Variants in UBE2N observed in about 807,000 individuals in gnomAD.
UBE2N encodes the protein ubiquitin conjugating enzyme E2 N, also known as ubiquitin-conjugating enzyme E2 N.
For synonymous variants in UBE2N, 70 were observed against 69.2 expected (o/e 1.01, Z -0.06); for missense variants, 60 against 192.1 (o/e 0.31, Z 4.07).
In UBE2N at chr12:93,408,660, AAG is replaced by A. The variant is rs1272565377; in HGVS notation, c.*1377_*1378del. On this transcript the variant is annotated 3_prime_UTR_variant, in exon 4 of 4. Transcript: ENST00000318066. ...TTGTGAGGGGAGGAATTCGTCAATA[AAG>A]AAGAAAAATTACTGAATTCCAAATT... The A allele has an allele frequency of 1.3e-5, 2 of 152,230 alleles. No individual in the cohort carries two copies. The highest frequency in any genetic ancestry group is 2.9e-5 in the Non-Finnish European group (2 of 68,042). 9.4% of individuals were successfully genotyped at this position (152,230 alleles called of 1,614,324 possible). A position where few individuals can be genotyped will look rare whatever the true frequency, so the allele number is the denominator to read the frequency against.
At chr12:93,414,448 C>CAAAA (rs398020640) in intron 1 of UBE2N, among the ~76,000 whole-genome samples, 7 of 73,986 alleles carry the variant, frequency 9.5e-5, no homozygotes, top group African/African-American at 2.1e-4. Flanking sequence ...AGCTCCGTCT[C>CAAAA]AAAAAAAAAA....
chr12:93,414,504 G>GCT (rs1565792288), intron 1 of UBE2N, among the ~76,000 whole-genome samples: 1 of 147,750 alleles, frequency 6.8e-6, no homozygotes, highest in African/African-American at 2.5e-5. Context: ...CCCAAAAGAC[G>GCT]CTCTATATGA....
chr12:93,420,841 C>T (rs1878386084), intron 1 of UBE2N, among the ~76,000 whole-genome samples: 2 of 151,928 alleles, frequency 1.3e-5, no homozygotes, highest in African/African-American at 4.8e-5. Flanking sequence ...ATCTTGCCTC[C>T]CCAATTCTTC....
At chr12:93,420,175 C>T (rs367604712) in intron 1 of UBE2N, among the ~76,000 whole-genome samples, 8 of 152,200 alleles carry the variant, frequency 5.3e-5, no homozygotes, top group African/African-American at 1.9e-4. Flanking sequence ...TACTTTAGAC[C>T]AGAGTATTCC....
At chr12:93,429,667 T>C (rs991122874) in intron 1 of UBE2N, among the ~76,000 whole-genome samples, 1 of 152,048 alleles carries the variant, frequency 6.6e-6, no homozygotes, top group African/African-American at 2.4e-5. Flanking sequence ...CCATGTGTGT[T>C]ACTGCCCCTG....
intron 1 of UBE2N, among the ~76,000 whole-genome samples, chr12:93,432,923 C>A (rs935793910): frequency 7.5e-5 from 10 of 132,644 alleles, no homozygotes; most frequent in South Asian, 4.8e-4. Context: ...TTTAGAATAG[C>A]TTCATTCAGG....
At chr12:93,433,169 G>A (rs1054207178) in intron 1 of UBE2N, among the ~76,000 whole-genome samples, 68 of 152,066 alleles carry the variant, frequency 4.5e-4, no homozygotes, top group Non-Finnish European at 3.2e-4. Context: ...TCCTGACCTT[G>A]TGATCCTCCT....
rs1217074414 is a variant in UBE2N at position 93,407,663 on chromosome 12, T to C, written c.*2376A>G. 1.3e-5 allele frequency: 2 copies of C among 152,200 alleles called. No individual in the cohort carries two copies. Among genetic ancestry groups the C allele is most frequent in the Non-Finnish European group, 2.9e-5 (2 of 68,048 alleles). 9.4% of individuals were successfully genotyped at this position (152,200 alleles called of 1,614,324 possible). ...ATTCAAAAGTTACCCGAATTCTGGA[T>C]TTTCATGCAAATCTCCCAATTTTTA... On this transcript the variant is annotated 3_prime_UTR_variant, in exon 4 of 4. Coordinates refer to ENST00000318066, the MANE Select transcript of UBE2N (RefSeq NM_003348.4).
At chr12:93,431,376 G>T (rs1878769173) in intron 1 of UBE2N, among the ~76,000 whole-genome samples, 1 of 152,162 alleles carries the variant, frequency 6.6e-6, no homozygotes, top group African/African-American at 2.4e-5. Flanking sequence ...TATTATCTAG[G>T]AATAGACATG....
chr12:93,428,745 A>G (rs559000948), intron 1 of UBE2N, among the ~76,000 whole-genome samples: 84 of 152,354 alleles, frequency 5.5e-4, no homozygotes, highest in African/African-American at 1.9e-3. Context: ...CTAAGTACTC[A>G]GACTAGAAAC....
At chr12:93,425,675 C>T (rs925304172) in intron 1 of UBE2N, among the ~76,000 whole-genome samples, 5 of 152,094 alleles carry the variant, frequency 3.3e-5, no homozygotes, top group African/African-American at 1.2e-4. Context: ...TAGGCCTAGC[C>T]AAGCAGTGAC....
chr12:93,430,826 T>A (rs867391904), intron 1 of UBE2N, among the ~76,000 whole-genome samples: 11 of 148,572 alleles, frequency 7.4e-5, no homozygotes, highest in Middle Eastern at 7.1e-3. Context: ...AAAATTTTTT[T>A]AAATTAGTTG....
intron 1 of UBE2N, among the ~76,000 whole-genome samples, chr12:93,434,484 A>G (rs190539440): frequency 6.6e-6 from 1 of 152,374 alleles, no homozygotes; most frequent in Admixed American, 6.5e-5. Flanking sequence ...GAACTGCTTG[A>G]CACAGAGGAG....
rs1277148851 is a variant in UBE2N, at chr12:93,406,340, A to G, written c.*3699T>C. ...ACCATTCAACAGAAAAATGAGGCCTATTCCTATCATTTCCTCGATCCAATT... is the reference window on the plus strand; with the variant it reads ...ACCATTCAACAGAAAAATGAGGCCTGTTCCTATCATTTCCTCGATCCAATT... On this transcript the variant is annotated 3_prime_UTR_variant, in exon 4 of 4. Coordinates refer to ENST00000318066, the MANE Select transcript of UBE2N (RefSeq NM_003348.4). The G allele has an allele frequency of 1.4e-5, 2 of 146,556 alleles. No individual in the cohort carries two copies. The highest frequency in any genetic ancestry group is 2.2e-4 in the South Asian group (1 of 4,576). The allele number at this position is 146,556 out of a possible 1,614,324, so 9.1% of individuals were successfully genotyped here.
At chr12:93,418,816 A>G (rs1878303504) in intron 1 of UBE2N, among the ~76,000 whole-genome samples, 1 of 152,254 alleles carries the variant, frequency 6.6e-6, no homozygotes, top group African/African-American at 2.4e-5. Context: ...ACATGAAATC[A>G]GTATGAAATT....
Position 93,435,408 on chromosome 12 carries a change from G to A in UBE2N, c.30+6447C>T, listed in dbSNP as rs996981786. On this transcript the variant is annotated intron_variant, in intron 1 of 3. Transcript: ENST00000318066. ...GAATTGCTTGAACCCAGGGGGCAGA[G>A]GTTGCAGTTAGCCGAGATCACGCCA... Among the ~76,000 whole-genome samples the A allele has an allele frequency of 3.9e-5, 6 of 152,248 alleles. 1 individual carries two copies. The highest frequency in any genetic ancestry group is 1.9e-4 in the East Asian group (1 of 5,186).
At chr12:93,422,338 A>G (rs146561760) in intron 1 of UBE2N, among the ~76,000 whole-genome samples, 1 of 152,222 alleles carries the variant, frequency 6.6e-6, no homozygotes, top group African/African-American at 2.4e-5. Context: ...TAAAAATAAG[A>G]CTTTAGTGAT....
intron 1 of UBE2N, among the ~76,000 whole-genome samples, chr12:93,439,661 T>C (rs547028907): frequency 6.6e-6 from 1 of 151,114 alleles, no homozygotes; most frequent in Non-Finnish European, 1.5e-5. Context: ...AAATTCTGAT[T>C]TTTTTTAAAG....
intron 1 of UBE2N, among the ~76,000 whole-genome samples, chr12:93,423,050 A>C (rs570307874): frequency 6.6e-6 from 1 of 152,388 alleles, no homozygotes; most frequent in South Asian, 2.1e-4. Context: ...GAAATAACCC[A>C]TTCTGGAGAG....
Sources: gnomAD v4.1 joint callset for allele counts (sites outside exome capture counted in the v4.1 genomes callset) on GRCh38, gnomAD v4.1.1 for gene constraint, MANE v1.5 for transcripts, NCBI Gene and HGNC (gene_info 2026-07-23, HGNC 2026-07-21) for gene names.